ABHD2: variants seen among roughly 807,000 people sequenced by gnomAD.
The protein encoded by ABHD2 is monoacylglycerol lipase ABHD2.
In ABHD2, 20 loss-of-function variants were observed where a neutral mutation model predicts 48.1. The ratio of observed to expected loss-of-function variants is 0.42; its 90% CI spans 0.29 to 0.60. The LOEUF (loss-of-function observed/expected upper bound fraction) is 0.60. Ranked by LOEUF, ABHD2 falls within the 20% of genes least tolerant of loss-of-function variation. The pLI is 0.24. For missense variants in ABHD2, 405 were observed against 550.9 expected, an observed-to-expected ratio of 0.74 and a Z score of 2.65; for synonymous variants, 209 against 214.2, an observed-to-expected ratio of 0.98 and a Z score of 0.21.
At chr15:89,046,395 G>A in the ABHD2 span, among the ~76,000 whole-genome samples, 2 of 151,956 alleles carry the variant, frequency 1.3e-5, no homozygotes, top group African/African-American at 2.4e-5. Flanking sequence ...TTGGTATCAG[G>A]ATGATGCTGG....
intron 1 of ABHD2, among the ~76,000 whole-genome samples, chr15:89,112,430 CCTGT>C (rs2049890028): frequency 6.6e-6 from 1 of 152,190 alleles, no homozygotes; most frequent in South Asian, 2.1e-4. Flanking sequence ...GGCAGCCAAG[CCTGT>C]GGGGTCAGGT....
In ABHD2 at chr15:89,114,400, G is replaced by T. The variant is rs1042313869; in HGVS notation, c.-7+576G>T. Among the ~76,000 whole-genome samples, 1 of 152,170 alleles carries T rather than the reference G, an allele frequency of 6.6e-6. No individual in the cohort carries two copies. Among genetic ancestry groups the T allele is most frequent in the Non-Finnish European group, 1.5e-5 (1 of 68,038 alleles). ...CCCCAAGTTAAGGATCCTTGTTTTA[G>T]GGGTTTATAGACAGCTTTCAGGGGA... On this transcript the variant is annotated intron_variant, in intron 2 of 10. Transcript: ENST00000352732. This position sits in a 1 kb window ranked among gnomAD's most constrained non-coding sequence, Gnocchi z 4.2.
chr15:89,101,353 A>G (rs1393488405), intron 1 of ABHD2, among the ~76,000 whole-genome samples: 1 of 152,180 alleles, frequency 6.6e-6, no homozygotes, highest in Non-Finnish European at 1.5e-5. Flanking sequence ...ATGTTCTTTA[A>G]ATATCCAAAA....
the ABHD2 span, among the ~76,000 whole-genome samples, chr15:89,059,978 ATTT>A: frequency 1.3e-5 from 2 of 151,228 alleles, no homozygotes; most frequent in East Asian, 3.9e-4. Flanking sequence ...TCTTCCAGGC[ATTT>A]ATGCAGCCTT....
chr15:89,185,823 G>T lies in ABHD2; in HGVS notation c.815+307G>T, dbSNP rs1423028519. 6.6e-6 allele frequency among the ~76,000 whole-genome samples: 1 copy of T among 152,118 alleles called. No individual in the cohort carries two copies. Among genetic ancestry groups the T allele is most frequent in the Non-Finnish European group, 1.5e-5 (1 of 68,036 alleles). ...ATCTCTACCAAAAATACAAAAATTA[G>T]CTGGGCATGATGGTGCCGCTGTAAT... On this transcript the variant is annotated intron_variant, in intron 7 of 10. Transcript: ENST00000352732. This position sits in a 1 kb window ranked among gnomAD's most constrained non-coding sequence, Gnocchi z 5.9.
At chr15:89,064,219 C>CTTTT in the ABHD2 span, among the ~76,000 whole-genome samples, 13 of 119,542 alleles carry the variant, frequency 1.1e-4, no homozygotes, top group South Asian at 5.4e-4. Context: ...ACATTGTGTC[C>CTTTT]TTTTTTTTTT....
the ABHD2 span, among the ~76,000 whole-genome samples, chr15:89,048,899 G>A: frequency 6.0e-3 from 684 of 113,546 alleles, 15 homozygotes; most frequent in African/African-American, 0.024. Context: ...CTCTCAGCTC[G>A]TCAAAGTCAT....
At chr15:89,067,627 G>A in the ABHD2 span, among the ~76,000 whole-genome samples, 1 of 152,020 alleles carries the variant, frequency 6.6e-6, no homozygotes, top group African/African-American at 2.4e-5. Flanking sequence ...TTCCAAGACT[G>A]TTTTACATTA....
At chr15:89,111,860 A>G (rs1057335100) in intron 1 of ABHD2, among the ~76,000 whole-genome samples, 6 of 152,234 alleles carry the variant, frequency 3.9e-5, no homozygotes, top group Non-Finnish European at 7.3e-5. Context: ...GAAAATATCA[A>G]TAAATAAAAG....
Position 89,188,646 on chromosome 15 carries a change from A to G in ABHD2, c.926+343A>G, listed in dbSNP as rs1596162506. Among the ~76,000 whole-genome samples the G allele has an allele frequency of 6.6e-6, 1 of 152,328 alleles. No individual in the cohort carries two copies. The highest frequency in any genetic ancestry group is 1.9e-4 in the East Asian group (1 of 5,178). On this transcript the variant is annotated intron_variant, in intron 8 of 10. Coordinates refer to ENST00000352732, the MANE Select transcript of ABHD2 (RefSeq NM_152924.5). This position sits in a 1 kb window ranked among gnomAD's most constrained non-coding sequence, Gnocchi z 4.1. ...CACCAGGGCAAGTGTCAGGTGCCAC[A>G]TAAATCTGCATTTCGCAGTGGAGTA...
At chr15:89,136,755 C>T in intron 3 of ABHD2, among the ~76,000 whole-genome samples, 1 of 152,236 alleles carries the variant, frequency 6.6e-6, no homozygotes, top group East Asian at 1.9e-4. Context: ...TTTTCCTCCA[C>T]TAGGAATAGT....
At chr15:89,115,674 G>A (rs548121662) in intron 2 of ABHD2, among the ~76,000 whole-genome samples, 10 of 152,270 alleles carry the variant, frequency 6.6e-5, no homozygotes, top group African/African-American at 2.4e-4. Flanking sequence ...AGCCAGGATC[G>A]CTGCGACCTG....
In ABHD2 at chr15:89,100,916, G is replaced by A. The variant is rs1195603582; in HGVS notation, c.-107+12353G>A. 6.6e-6 allele frequency among the ~76,000 whole-genome samples: 1 copy of A among 152,096 alleles called. No individual in the cohort carries two copies. Among genetic ancestry groups the A allele is most frequent in the Non-Finnish European group, 1.5e-5 (1 of 68,018 alleles). ...TAATTTCACCAGCCTTTTAATCTAG[G>A]TTAAACTACAGTTAATGGTATTGAG... is the stretch of plus-strand genomic sequence containing the variant. On this transcript the variant is annotated intron_variant, in intron 1 of 10. Transcript: ENST00000352732. This position sits in a 1 kb window ranked among gnomAD's most constrained non-coding sequence, Gnocchi z 4.4.
chr15:89,126,895 T>C lies in ABHD2; in HGVS notation c.194+10374T>C, dbSNP rs560936282. The stretch of plus-strand genomic sequence containing the variant: ...AGCTTTAGGGTCAGAATTTATTAGA[T>C]GGTGTAATGTTTACTTAAGGAAAGC... On this transcript the variant is annotated intron_variant, in intron 3 of 10. Coordinates refer to ENST00000352732, the MANE Select transcript of ABHD2 (RefSeq NM_152924.5). 3.4e-4 allele frequency among the ~76,000 whole-genome samples: 52 copies of C among 152,336 alleles called. No individual in the cohort carries two copies. In the South Asian group the frequency reaches 0.011, roughly 31 times the overall value.
At chr15:89,042,331 A>G in the ABHD2 span, among the ~76,000 whole-genome samples, 2 of 151,758 alleles carry the variant, frequency 1.3e-5, no homozygotes, top group South Asian at 2.1e-4. Flanking sequence ...CTTTTACCCT[A>G]CTCCCTCAAA....
chr15:89,125,466 C>A (rs1346282284), intron 3 of ABHD2, among the ~76,000 whole-genome samples: 1 of 152,106 alleles, frequency 6.6e-6, no homozygotes, highest in African/African-American at 2.4e-5. Flanking sequence ...TAAGGGCTAG[C>A]CTCAATAAGT....
Position 89,136,267 on chromosome 15 carries a change from G to A in ABHD2, c.195-15410G>A, listed in dbSNP as rs1177153021. 2.0e-5 allele frequency: 8 copies of A among 398,876 alleles called. 1 individual carries two copies. Among genetic ancestry groups the A allele is most frequent in the Middle Eastern group, 1.9e-3 (2 of 1,076 alleles). The allele number at this position is 398,876 out of a possible 1,614,324, so 24.7% of individuals were successfully genotyped here. ...TGTCTCCCCTTTAGGAAAGATACAG[G>A]TTTTCGTTTCTCTTTCGTATGGGCC... On this transcript the variant is annotated intron_variant, in intron 3 of 10. Transcript: ENST00000352732.
the ABHD2 span, among the ~76,000 whole-genome samples, chr15:89,051,623 C>T: frequency 6.6e-6 from 1 of 152,064 alleles, no homozygotes; most frequent in Non-Finnish European, 1.5e-5. Flanking sequence ...ATCATGGGGG[C>T]GGGTCTTTCC....
intron 1 of ABHD2, among the ~76,000 whole-genome samples, chr15:89,098,210 T>G (rs1236770578): frequency 6.6e-6 from 1 of 152,212 alleles, no homozygotes; most frequent in African/African-American, 2.4e-5. Flanking sequence ...ATATATTGTT[T>G]GGCATCCTAT....
Sources: allele counts gnomAD v4.1 joint callset (sites outside exome capture counted in the v4.1 genomes callset), GRCh38; gene constraint gnomAD v4.1.1; non-coding constraint Gnocchi (gnomAD v3.1); transcripts MANE v1.5; gene names NCBI Gene and HGNC (gene_info 2026-07-23, HGNC 2026-07-21).